Variants in UTP4 observed in about 807,000 individuals in gnomAD.
UTP4 encodes the protein UTP4 small subunit processome component.
A neutral mutation model predicts 82.4 loss-of-function variants in UTP4; 45 were observed. The ratio of observed to expected loss-of-function variants is 0.55; its 90% CI spans 0.43 to 0.70. The LOEUF is 0.70. UTP4 is among the 30% of genes least tolerant of loss of function. The probability of loss-of-function intolerance (pLI) is 0.00; values close to 1 mark genes in which losing one functional copy is unlikely to be tolerated. For synonymous variants in UTP4, 348 were observed against 300.3 expected (o/e 1.16, Z -1.64); for missense variants, 819 against 858.3 (o/e 0.95, Z 0.57).
At chr16:69,166,828 G>T (rs1283094045) in intron 15 of UTP4, 3 of 528,538 alleles carry the variant, frequency 5.7e-6, no homozygotes, top group Non-Finnish European at 1.0e-5. Context: ...ACCCTCTACA[G>T]TGTGGCTGCA....
chr16:69,163,150 A>G lies in UTP4; in HGVS notation c.1619A>G (p.Asn540Ser). 2.5e-6 allele frequency: 4 copies of G among 1,613,968 alleles called. No homozygotes were observed. The highest frequency in any genetic ancestry group is 3.4e-6 in the Non-Finnish European group (4 of 1,179,892). Residue 540 changes from asparagine to serine, a missense_variant, in exon 14 of 17, where the codon AAC (asparagine) becomes AGC (serine). Transcript: ENST00000314423. ...ATGGCTATTGCCCCCAATACCAACA[A>G]CCTTGTCATCGCTCATTCGGACCAG... is the stretch of plus-strand genomic sequence containing the variant. ...TAMAIAPNTN[N>S]LVIAHSDQQV... is the part of the protein sequence containing the mutation.
chr16:69,165,550 C>G, intron 15 of UTP4, 24 bp downstream of exon 15: 1 of 1,592,602 alleles, frequency 6.3e-7, no homozygotes, highest in Non-Finnish European at 8.6e-7. Flanking sequence ...TGCTACCTCC[C>G]AAATCTTCTT....
At chr16:69,140,871 CT>C (rs1962940988) in intron 5 of UTP4, among the ~76,000 whole-genome samples, 1 of 152,146 alleles carries the variant, frequency 6.6e-6, no homozygotes, top group Non-Finnish European at 1.5e-5. Flanking sequence ...CAACTTGCCC[CT>C]CTTTTTCTAC....
chr16:69,139,169 A>T (rs966754499), intron 4 of UTP4: 1 of 150,604 alleles, frequency 6.6e-6, no homozygotes, highest in East Asian at 2.0e-4. Context: ...GGGTTTCACC[A>T]TGTTGGCCAG....
intron 2 of UTP4, 56 bp downstream of exon 2, chr16:69,133,674 A>G (rs1019922075): frequency 1.2e-4 from 193 of 1,567,214 alleles, no homozygotes; most frequent in Non-Finnish European, 1.8e-5. Flanking sequence ...TCTGAAGTTC[A>G]AGAAGCTTGT....
At chr16:69,168,717 A>T in intron 16 of UTP4, 104 bp from the exon 17 acceptor site, 1 of 808,968 alleles carries the variant, frequency 1.2e-6, no homozygotes, top group Admixed American at 1.7e-5. Context: ...TGAGCCTTGA[A>T]CTAGGCTAAC....
intron 15 of UTP4, chr16:69,165,915 A>G (rs1472949022): frequency 2.8e-6 from 1 of 362,128 alleles, no homozygotes; most frequent in Non-Finnish European, 5.3e-6. Context: ...GGGTATCTGA[A>G]TAACCTGGTT....
At chr16:69,162,304 G>A (rs1963583584) in intron 13 of UTP4, among the ~76,000 whole-genome samples, 1 of 151,950 alleles carries the variant, frequency 6.6e-6, no homozygotes, top group Admixed American at 6.6e-5. Flanking sequence ...GAGGACTGGT[G>A]CGGTGGCTTA....
At chr16:69,137,618 A>C (rs1379635263) in intron 3 of UTP4, among the ~76,000 whole-genome samples, 183 bp from the exon 4 acceptor site, 3 of 152,202 alleles carry the variant, frequency 2.0e-5, no homozygotes, top group Non-Finnish European at 2.9e-5. Flanking sequence ...CTGAGAATAC[A>C]CTATTAGTTT....
At chr16:69,162,916 G>A (rs1403163553) in intron 13 of UTP4, among the ~76,000 whole-genome samples, 167 bp from the exon 14 acceptor site, 1 of 151,324 alleles carries the variant, frequency 6.6e-6, no homozygotes, top group Non-Finnish European at 1.5e-5. Flanking sequence ...AGAAGAAAAA[G>A]AAATGAAAGT....
chr16:69,165,377 G>A lies in UTP4; in HGVS notation c.1684G>A (p.Asp562Asn). 6.2e-7 allele frequency: 1 copy of A among 1,614,094 alleles called. No homozygotes were observed. Among genetic ancestry groups the A allele is most frequent in the Non-Finnish European group, 8.5e-7 (1 of 1,180,022 alleles). The change falls in exon 15 of 17, where the codon GAT becomes AAT. Residue 562 changes from aspartate to asparagine, a missense_variant. Asp to Asn is a conservative substitution (Grantham distance 23). Transcript: ENST00000314423. ...CAGCATCCCAGACAAACAGTATACA[G>A]ATTGGAGCCGGACTGTCCAGAAGCA... Reference protein sequence around the residue: ...EYSIPDKQYTDWSRTVQKQGF... With the variant: ...EYSIPDKQYTNWSRTVQKQGF...
intron 12 of UTP4, among the ~76,000 whole-genome samples, chr16:69,159,131 C>G (rs1432194836): frequency 6.6e-6 from 1 of 152,068 alleles, no homozygotes; most frequent in Non-Finnish European, 1.5e-5. Flanking sequence ...GGCTGGAGTG[C>G]ATTGGTGCCA....
At chr16:69,168,101 A>G (rs1435319813) in intron 16 of UTP4, among the ~76,000 whole-genome samples, 2 of 152,180 alleles carry the variant, frequency 1.3e-5, no homozygotes, top group East Asian at 3.9e-4. Context: ...AGAAATGTAA[A>G]AAAATCCTGC....
chr16:69,146,491 T>TTG (rs1409226464), intron 6 of UTP4, among the ~76,000 whole-genome samples: 3 of 152,216 alleles, frequency 2.0e-5, no homozygotes, highest in Non-Finnish European at 2.9e-5. Context: ...TGCATAATAT[T>TTG]TGTGTGTGTG....
At chr16:69,143,723 T>C (rs1399335768) in intron 6 of UTP4, among the ~76,000 whole-genome samples, 3 of 152,162 alleles carry the variant, frequency 2.0e-5, no homozygotes, top group Non-Finnish European at 4.4e-5. Flanking sequence ...TTTATGCATT[T>C]ATTTTTAATT....
intron 6 of UTP4, among the ~76,000 whole-genome samples, chr16:69,144,927 A>G (rs1293433586): frequency 6.6e-6 from 1 of 152,138 alleles, no homozygotes; most frequent in Non-Finnish European, 1.5e-5. Flanking sequence ...GGATCACCTG[A>G]GGTCAGGAGT....
intron 15 of UTP4, 89 bp downstream of exon 15, chr16:69,165,615 T>A (rs1963683469): frequency 2.7e-6 from 3 of 1,111,684 alleles, no homozygotes; most frequent in Admixed American, 3.8e-5. Context: ...GGACAGAGAC[T>A]CAGAATAAAG....
At chr16:69,166,657 G>T (rs1194983875) in intron 15 of UTP4, 1 of 189,908 alleles carries the variant, frequency 5.3e-6, no homozygotes, top group African/African-American at 2.4e-5. Context: ...TCTGGTTGGG[G>T]GAGAGTCTAG....
At chr16:69,161,965 T>C (rs1275606941) in intron 13 of UTP4, among the ~76,000 whole-genome samples, 1 of 145,198 alleles carries the variant, frequency 6.9e-6, no homozygotes, top group Non-Finnish European at 1.5e-5. Flanking sequence ...GCCCAGCCAA[T>C]AGGCCTTTTG....
Sources: gnomAD v4.1 joint callset for allele counts (sites outside exome capture counted in the v4.1 genomes callset) on GRCh38, gnomAD v4.1.1 for gene constraint, MANE v1.5 for transcripts, NCBI Gene and HGNC (gene_info 2026-07-23, HGNC 2026-07-21) for gene names.